CSMD1: variants seen among roughly 807,000 people sequenced by gnomAD.
The protein encoded by CSMD1 is CUB and Sushi multiple domains 1.
A neutral mutation model predicts 417.5 loss-of-function variants in CSMD1; 213 were observed. That is an observed-to-expected ratio of 0.51 (90% confidence interval 0.46 to 0.57). CSMD1 has a LOEUF of 0.57. Among genes scored for constraint, CSMD1 ranks in the 20% least tolerant of loss-of-function variants. The probability of loss-of-function intolerance (pLI) is 0.00; values close to 1 mark genes in which losing one functional copy is unlikely to be tolerated. For missense variants in CSMD1, 6,923 were observed against 4,529.7 expected (o/e 1.53, Z -15.17); for synonymous variants, 2,862 against 1,736.8 (o/e 1.65, Z -16.11).
Position 4,789,768 on chromosome 8 carries a change from A to G in CSMD1, c.86-152210T>C, listed in dbSNP as rs572471350. ...CATAGTTCATGTAGTAAATTTTTTA[A>G]GTTATCACTGTGTAATTTAGGGAAG... On this transcript the variant is annotated intron_variant, in intron 1 of 69. Transcript: ENST00000635120. 9.6e-4 allele frequency among the ~76,000 whole-genome samples: 146 copies of G among 152,298 alleles called. 1 individual carries two copies. The highest frequency in any genetic ancestry group is 3.1e-3 in the African/African-American group (130 of 41,538).
intron 3 of CSMD1, among the ~76,000 whole-genome samples, chr8:4,286,848 G>T (rs954962862): frequency 6.6e-6 from 1 of 152,186 alleles, no homozygotes; most frequent in Non-Finnish European, 1.5e-5. Context: ...TTGTTATTAG[G>T]AGATGTGCAC....
intron 12 of CSMD1, among the ~76,000 whole-genome samples, chr8:3,443,410 G>C (rs1333601879): frequency 1.3e-5 from 2 of 152,144 alleles, no homozygotes; most frequent in African/African-American, 4.8e-5. Flanking sequence ...AAAAAATAGA[G>C]CCTAAAACAC....
intron 3 of CSMD1, among the ~76,000 whole-genome samples, chr8:4,144,651 A>G (rs1301241813): frequency 6.6e-6 from 1 of 150,998 alleles, no homozygotes; most frequent in African/African-American, 2.5e-5. Context: ...TTATCAGGAG[A>G]TAATCAGCAG....
intron 7 of CSMD1, among the ~76,000 whole-genome samples, chr8:3,688,280 C>T (rs952467035): frequency 4.6e-5 from 7 of 152,190 alleles, no homozygotes; most frequent in Non-Finnish European, 7.4e-5. Flanking sequence ...TCTTTTGAAA[C>T]GGACTATAAT....
At chr8:3,958,992 C>T (rs529232230) in intron 5 of CSMD1, among the ~76,000 whole-genome samples, 4 of 152,196 alleles carry the variant, frequency 2.6e-5, no homozygotes, top group Non-Finnish European at 5.9e-5. Flanking sequence ...GGCCTTCTCC[C>T]ATGCGTCTCC....
At chr8:3,901,474 G>T (rs1024885277) in intron 5 of CSMD1, among the ~76,000 whole-genome samples, 4 of 152,138 alleles carry the variant, frequency 2.6e-5, no homozygotes, top group African/African-American at 4.8e-5. Context: ...CCACTTGATA[G>T]ATCTCACACA....
chr8:4,144,241 G>C (rs139682980), intron 3 of CSMD1, among the ~76,000 whole-genome samples: 8 of 150,992 alleles, frequency 5.3e-5, no homozygotes, highest in Admixed American at 5.3e-4. Context: ...CAAACTGGCC[G>C]TAAGTTCCCT....
intron 12 of CSMD1, among the ~76,000 whole-genome samples, chr8:3,410,279 T>C (rs1187362364): frequency 6.6e-6 from 1 of 152,228 alleles, no homozygotes; most frequent in East Asian, 1.9e-4. Flanking sequence ...AGACTATTTT[T>C]GAGAGCCACT....
chr8:4,144,187 A>G (rs943465908), intron 3 of CSMD1, among the ~76,000 whole-genome samples: 1 of 151,050 alleles, frequency 6.6e-6, no homozygotes, highest in Non-Finnish European at 1.5e-5. Context: ...AATTGGCCTT[A>G]GACCTCCTGC....
rs571869758 is a variant in CSMD1 at position 4,324,957 on chromosome 8, A to T, written c.415+94996T>A. On this transcript the variant is annotated intron_variant, in intron 3 of 69. Transcript: ENST00000635120. ...CGGGAAGGAGGCAATTGTATTTGGA[A>T]AGGATATCATTATATCACTGTTGAC... Among the ~76,000 whole-genome samples the T allele has an allele frequency of 2.6e-5, 4 of 152,224 alleles. No homozygotes were observed. In the South Asian group the frequency reaches 8.3e-4, roughly 32 times the overall value.
chr8:2,994,375 C>T (rs2128950497), intron 54 of CSMD1, among the ~76,000 whole-genome samples: 1 of 152,110 alleles, frequency 6.6e-6, no homozygotes, highest in African/African-American at 2.4e-5. Context: ...TGGATTCTTT[C>T]CCCACACACA....
At chr8:3,106,802 T>C (rs921553326) in intron 45 of CSMD1, 161 bp from the exon 46 acceptor site, 26 of 490,728 alleles carry the variant, frequency 5.3e-5, no homozygotes, top group Non-Finnish European at 8.0e-5. Context: ...TAATACCGTT[T>C]TAAGTTCTTA....
At chr8:3,902,461 T>C (rs1807820224) in intron 5 of CSMD1, among the ~76,000 whole-genome samples, 1 of 152,138 alleles carries the variant, frequency 6.6e-6, no homozygotes, top group Middle Eastern at 3.2e-3. Flanking sequence ...CATTTTTTTT[T>C]CCATGGACTC....
At chr8:4,994,256 A>G (rs1446204653) in intron 1 of CSMD1, 76 bp downstream of exon 1, 1 of 1,397,840 alleles carries the variant, frequency 7.2e-7, no homozygotes, top group South Asian at 1.2e-5. Flanking sequence ...GCGGTCCCCA[A>G]AACGCACACT....
At chr8:3,370,889 T>C (rs1256052089) in intron 18 of CSMD1, among the ~76,000 whole-genome samples, 1 of 151,544 alleles carries the variant, frequency 6.6e-6, no homozygotes, top group African/African-American at 2.4e-5. Flanking sequence ...GGAAGGAAAA[T>C]CACTTAAACC....
chr8:3,915,405 CAAA>C (rs778981187), intron 5 of CSMD1, among the ~76,000 whole-genome samples: 67 of 76,282 alleles, frequency 8.8e-4, no homozygotes, highest in East Asian at 1.6e-3. Context: ...GACTCTGTCT[CAAA>C]AAAAAAAAAA....
chr8:4,748,422 G>A lies in CSMD1; in HGVS notation c.86-110864C>T, dbSNP rs867291946. Among the ~76,000 whole-genome samples, 83 of 152,274 alleles carry A rather than the reference G, an allele frequency of 5.5e-4. No homozygotes were observed. The Middle Eastern group carries it at 0.01, about 19-fold the overall frequency. On this transcript the variant is annotated intron_variant, in intron 1 of 69. Coordinates refer to ENST00000635120, the MANE Select transcript of CSMD1 (RefSeq NM_033225.6). ...AAACTAAGGAAGTCACATTTTATTTGCTGCTGCAGTATCATATTTATGACC... is the reference window on the plus strand; with the variant it reads ...AAACTAAGGAAGTCACATTTTATTTACTGCTGCAGTATCATATTTATGACC...
rs1002968564 is a variant in CSMD1 at position 3,241,866 on chromosome 8, A to T, written c.4154-11635T>A. Among the ~76,000 whole-genome samples the T allele has an allele frequency of 7.9e-5, 12 of 151,924 alleles. 1 individual carries two copies. Among genetic ancestry groups the T allele is most frequent in the Non-Finnish European group, 1.5e-4 (10 of 68,000 alleles). On this transcript the variant is annotated intron_variant, in intron 26 of 69. Transcript: ENST00000635120. ...TATTGTACACCTTGAAGGCGACGTT[A>T]ATTAAGTCCTGTTGTGGGGTTTGAG...
chr8:4,198,440 G>A lies in CSMD1; in HGVS notation c.416-166341C>T, dbSNP rs542545186. ...GCAATATAGATAAGCCATACCTGTG[G>A]TGGTTAGGTAAAATATGGATTTGGG... On this transcript the variant is annotated intron_variant, in intron 3 of 69. Coordinates refer to ENST00000635120, the MANE Select transcript of CSMD1 (RefSeq NM_033225.6). 2.6e-5 allele frequency among the ~76,000 whole-genome samples: 4 copies of A among 152,290 alleles called. No individual in the cohort carries two copies. The South Asian group carries it at 8.3e-4, about 32-fold the overall frequency.
Sources: allele counts gnomAD v4.1 joint callset (sites outside exome capture counted in the v4.1 genomes callset), GRCh38; gene constraint gnomAD v4.1.1; transcripts MANE v1.5; gene names NCBI Gene and HGNC (gene_info 2026-07-23, HGNC 2026-07-21).